DST: variants seen among roughly 807,000 people sequenced by gnomAD.
DST encodes dystonin.
A neutral mutation model predicts 875.2 loss-of-function variants in DST; 253 were observed. That is an observed-to-expected ratio of 0.29 (90% confidence interval 0.26 to 0.32). DST has a LOEUF of 0.32. DST is among the 10% of genes least tolerant of loss of function. DST has a pLI of 1.00. For synonymous variants in DST, 3,124 were observed against 3,197.1 expected (o/e 0.98, Z 0.77); for missense variants, 8,287 against 9,111.6 (o/e 0.91, Z 3.68).
Position 56,648,626 on chromosome 6 carries a change from G to A in DST, c.1498C>T (p.His500Tyr), listed in dbSNP as rs1279141368. The A allele has an allele frequency of 6.3e-7, 1 of 1,590,808 alleles. No individual in the cohort carries two copies. Reference protein sequence around the residue: ...MVNYLIQWIRHHVTTMSERTF... With the variant: ...MVNYLIQWIRYHVTTMSERTF... ...CTCTCAGACATTGTGGTCACATGGT[G>A]TCTAATCCATTGGATGAGGTAGTTC... The change falls in exon 13 of 104, where the codon CAC (histidine) becomes TAC (tyrosine). Residue 500 changes from histidine (H) to tyrosine (Y), a missense_variant. His to Tyr is a moderately conservative substitution (Grantham distance 83). This residue lies in a region of DST where 1,160 missense variants were observed against 1,424.3 expected (regional missense o/e 0.81). Coordinates refer to ENST00000680361, the MANE Select transcript of DST (RefSeq NM_001374736.1).
At chr6:56,863,589 C>T (rs1324450839) in intron 3 of DST, among the ~76,000 whole-genome samples, 2 of 152,210 alleles carry the variant, frequency 1.3e-5, no homozygotes, top group Non-Finnish European at 2.9e-5. Context: ...CCTTCCTCCC[C>T]TTCACAGCTG....
intron 69 of DST, among the ~76,000 whole-genome samples, chr6:56,525,722 T>C (rs987987111): frequency 1.3e-5 from 2 of 152,172 alleles, no homozygotes; most frequent in Non-Finnish European, 2.9e-5. Flanking sequence ...TCAACACATG[T>C]ATTATATTAC....
At chr6:56,617,543 C>T in intron 36 of DST, 1 of 887,564 alleles carries the variant, frequency 1.1e-6, no homozygotes, top group Non-Finnish European at 1.8e-6. Flanking sequence ...AGAAAAATTT[C>T]AAACCAAGGA....
chr6:56,624,340 TAAAGAC>T, intron 36 of DST, 184 bp downstream of exon 36: 1 of 678,910 alleles, frequency 1.5e-6, no homozygotes, highest in Non-Finnish European at 2.7e-6. Context: ...GAATGAATCT[TAAAGAC>T]AAACAAAAAT....
At chr6:56,561,215 A>G in intron 57 of DST, 93 bp downstream of exon 57, 1 of 1,374,634 alleles carries the variant, frequency 7.3e-7, no homozygotes, top group South Asian at 1.6e-5. Flanking sequence ...GCTAGAAAAG[A>G]AAACAGAGCA....
At chr6:56,712,621 C>A (rs892515326) in intron 5 of DST, among the ~76,000 whole-genome samples, 3 of 152,148 alleles carry the variant, frequency 2.0e-5, no homozygotes, top group African/African-American at 7.2e-5. Flanking sequence ...GTAACAAAGT[C>A]TGCTTGACAC....
chr6:56,531,745 G>A (rs1023735617), intron 64 of DST, among the ~76,000 whole-genome samples: 2 of 152,092 alleles, frequency 1.3e-5, no homozygotes, highest in Non-Finnish European at 2.9e-5. Context: ...TATGGGTTGG[G>A]GTTTTGTAAT....
At position 56,598,539 on chromosome 6, in the gene DST, T is replaced by C. The variant is rs762128348; in HGVS notation, c.11865A>G (p.Ala3955=). Residue 3955 remains alanine (A), a synonymous_variant, in exon 46 of 104, where the codon GCA becomes GCG. Coordinates refer to ENST00000680361, the MANE Select transcript of DST (RefSeq NM_001374736.1). ...KIKCEQLNLK[A]EQSKKELDKV... is the part of the protein sequence containing the mutation. Reference sequence around the variant, plus strand: ...TATCCAGCTCCTTTTTAGACTGTTCTGCTTTTAAATTAAGCTGTTCACACT... The same window carrying C: ...TATCCAGCTCCTTTTTAGACTGTTCCGCTTTTAAATTAAGCTGTTCACACT... 3 of 1,609,040 alleles carry C rather than the reference T, an allele frequency of 1.9e-6. No homozygotes were observed. The South Asian group carries it at 3.3e-5, about 18-fold the overall frequency.
chr6:56,861,014 T>C (rs1032244788), intron 3 of DST, among the ~76,000 whole-genome samples: 11 of 151,822 alleles, frequency 7.2e-5, no homozygotes, highest in African/African-American at 9.7e-5. Context: ...AAAGCAATTA[T>C]AGATATTCAG....
At chr6:56,940,523 T>C (rs1294596778) in intron 2 of DST, among the ~76,000 whole-genome samples, 1 of 152,146 alleles carries the variant, frequency 6.6e-6, no homozygotes, top group Non-Finnish European at 1.5e-5. Flanking sequence ...TTTAATCTAA[T>C]TTGTCACTTC....
chr6:56,555,235 A>G, intron 60 of DST, 110 bp downstream of exon 60: 1 of 1,206,174 alleles, frequency 8.3e-7, no homozygotes. Flanking sequence ...TGATGTTAAC[A>G]GTGGGGCAGA....
chr6:56,783,590 C>T (rs944788934), intron 4 of DST, among the ~76,000 whole-genome samples: 5 of 152,050 alleles, frequency 3.3e-5, no homozygotes, highest in Non-Finnish European at 7.4e-5. Flanking sequence ...GATCTTCCTC[C>T]ATCCTTTTAT....
chr6:56,939,750 C>G (rs905334097), intron 2 of DST, among the ~76,000 whole-genome samples: 1 of 151,866 alleles, frequency 6.6e-6, no homozygotes, highest in Non-Finnish European at 1.5e-5. Context: ...AGCAGCCGGG[C>G]GTGGTGGCTC....
In DST at chr6:56,463,567, T is replaced by C. The variant is rs1431482238; in HGVS notation, c.22957A>G (p.Lys7653Glu). 2 of 1,579,574 alleles carry C rather than the reference T, an allele frequency of 1.3e-6. No homozygotes were observed. The highest frequency in any genetic ancestry group is 1.8e-5 in the Admixed American group (1 of 55,848). ...AAAGTCTTCATCCTGAGTCTTACCTTGGGTGTGGTGGTGGCAGGGACCTGT... is the reference window on the plus strand; with the variant it reads ...AAAGTCTTCATCCTGAGTCTTACCTCGGGTGTGGTGGTGGCAGGGACCTGT... ...SPQVPATTTP[K>E]ILHPLTRNYG... The change falls in exon 101 of 104, where the codon AAG becomes GAG. Residue 7653 changes from lysine to glutamate, a missense_variant and splice_region_variant. Coordinates refer to ENST00000680361, the MANE Select transcript of DST (RefSeq NM_001374736.1).
chr6:56,529,406 T>C (rs1167094870), intron 66 of DST, 42 bp downstream of exon 66: 8 of 1,359,738 alleles, frequency 5.9e-6, no homozygotes, highest in Non-Finnish European at 7.7e-6. Flanking sequence ...ATAATGACAA[T>C]TGAAATGAAA....
At chr6:56,659,337 A>T (rs1290285298) in intron 10 of DST, among the ~76,000 whole-genome samples, 1 of 152,222 alleles carries the variant, frequency 6.6e-6, no homozygotes, top group African/African-American at 2.4e-5. Context: ...GGCAATCTTG[A>T]AAAACTCGAG....
In DST at chr6:56,604,526, T is replaced by C. The variant is rs1277759784; in HGVS notation, c.10102A>G (p.Met3368Val). 5.6e-6 allele frequency: 9 copies of C among 1,612,400 alleles called. No individual in the cohort carries two copies. Among genetic ancestry groups the C allele is most frequent in the African/African-American group, 1.3e-5 (1 of 74,828 alleles). ...ILKSRLKEGH[M>V]NPQEVEEPSA... ...GGTTCTTCAACCTCTTGAGGGTTCA[T>C]ATGACCTTCTTTCAACCTGCTTTTT... Residue 3368 changes from methionine (M) to valine (V), a missense_variant, in exon 40 of 104, where the codon ATG becomes GTG. Physicochemically the swap from Met to Val is conservative, Grantham distance 21 (BLOSUM62 1). Transcript: ENST00000680361.
chr6:56,866,740 A>T (rs1041618084), intron 3 of DST, among the ~76,000 whole-genome samples: 5 of 152,160 alleles, frequency 3.3e-5, no homozygotes, highest in Non-Finnish European at 7.4e-5. Flanking sequence ...CTCCACCAGA[A>T]AGTAAGCCCT....
At chr6:56,469,994 C>T (rs2094801337) in intron 96 of DST, 37 bp from the exon 97 acceptor site, 1 of 1,600,994 alleles carries the variant, frequency 6.2e-7, no homozygotes, top group Admixed American at 1.7e-5. Flanking sequence ...ACTTTAATGT[C>T]AATATTACAT....
Sources: gnomAD v4.1 joint callset for allele counts (sites outside exome capture counted in the v4.1 genomes callset) on GRCh38, gnomAD v4.1.1 for gene constraint, gnomAD v4.1.1 regional missense constraint, MANE v1.5 for transcripts, NCBI Gene and HGNC (gene_info 2026-07-23, HGNC 2026-07-21) for gene names.